The following DLG2 variants were observed in gnomAD, a reference collection of about 807,000 sequenced individuals.
DLG2 encodes disks large homolog 2.
A neutral mutation model predicts 132.5 loss-of-function variants in DLG2; 45 were observed. The observed-to-expected ratio is 0.34, with a 90% CI of 0.27 to 0.44. The LOEUF is 0.44. DLG2 is among the 20% of genes least tolerant of loss of function. The probability of loss-of-function intolerance (pLI) is 1.00; values close to 1 mark genes in which losing one functional copy is unlikely to be tolerated. For missense variants in DLG2, 1,045 were observed against 1,196.9 expected (o/e 0.87, Z 1.87); for synonymous variants, 424 against 419.6 (o/e 1.01, Z -0.13).
chr11:85,399,561 T>C (rs537045903), intron 3 of DLG2, among the ~76,000 whole-genome samples: 2 of 152,256 alleles, frequency 1.3e-5, no homozygotes, highest in East Asian at 1.9e-4. Context: ...CAAAACAGCA[T>C]GGTACTGGTA....
At chr11:84,935,638 T>A (rs1263810487) in intron 6 of DLG2, among the ~76,000 whole-genome samples, 1 of 152,166 alleles carries the variant, frequency 6.6e-6, no homozygotes, top group Non-Finnish European at 1.5e-5. Context: ...TTGGTTATTA[T>A]AACTGGGGAA....
chr11:84,910,435 T>C (rs1348045567), intron 6 of DLG2, among the ~76,000 whole-genome samples: 1 of 152,182 alleles, frequency 6.6e-6, no homozygotes, highest in African/African-American at 2.4e-5. Flanking sequence ...TTAGACAGAA[T>C]GATTTTTTTT....
At chr11:84,714,450 G>C (rs1055616640) in intron 6 of DLG2, among the ~76,000 whole-genome samples, 1 of 152,056 alleles carries the variant, frequency 6.6e-6, no homozygotes, top group Non-Finnish European at 1.5e-5. Flanking sequence ...TGTCCACCAA[G>C]GAGGTGCTGA....
At chr11:85,309,562 T>C (rs1347629411) in intron 3 of DLG2, among the ~76,000 whole-genome samples, 5 of 152,166 alleles carry the variant, frequency 3.3e-5, no homozygotes, top group Non-Finnish European at 5.9e-5. Flanking sequence ...AATAGGCATT[T>C]AAATGAAACA....
At chr11:83,856,854 C>T (rs1201966081) in intron 16 of DLG2, among the ~76,000 whole-genome samples, 1 of 152,086 alleles carries the variant, frequency 6.6e-6, no homozygotes, top group Non-Finnish European at 1.5e-5. Flanking sequence ...CCAGTTTTTG[C>T]TTTGGTGTAA....
At chr11:85,471,843 C>A (rs2092993760) in intron 3 of DLG2, among the ~76,000 whole-genome samples, 1 of 151,924 alleles carries the variant, frequency 6.6e-6, no homozygotes, top group South Asian at 2.1e-4. Flanking sequence ...TTCATGTTGA[C>A]TAGCACACCA....
intron 6 of DLG2, among the ~76,000 whole-genome samples, chr11:84,931,097 C>A (rs867809173): frequency 2.6e-5 from 4 of 152,076 alleles, no homozygotes; most frequent in Non-Finnish European, 4.4e-5. Context: ...GCTTCCCCTC[C>A]TCTTGAAACA....
At chr11:83,479,562 G>A (rs941913986) in intron 22 of DLG2, among the ~76,000 whole-genome samples, 3 of 152,030 alleles carry the variant, frequency 2.0e-5, no homozygotes, top group African/African-American at 4.8e-5. Flanking sequence ...GTAAAAATAT[G>A]TATCTATGTT....
chr11:84,215,832 G>T (rs1378568372), intron 8 of DLG2, among the ~76,000 whole-genome samples: 1 of 152,122 alleles, frequency 6.6e-6, no homozygotes, highest in Non-Finnish European at 1.5e-5. Context: ...CCAGAAAAAT[G>T]ATGTATTGGA....
At chr11:84,862,499 T>C (rs1374719839) in intron 6 of DLG2, among the ~76,000 whole-genome samples, 8 of 152,100 alleles carry the variant, frequency 5.3e-5, no homozygotes. Context: ...TAAATCATTC[T>C]ACAATAAAGA....
intron 3 of DLG2, among the ~76,000 whole-genome samples, chr11:85,485,144 T>C (rs1188176456): frequency 6.6e-6 from 1 of 151,724 alleles, no homozygotes; most frequent in Non-Finnish European, 1.5e-5. Flanking sequence ...TAGGTGGGAA[T>C]TGAACAATGA....
chr11:83,944,097 A>T (rs1217307159), intron 14 of DLG2, among the ~76,000 whole-genome samples: 5 of 151,926 alleles, frequency 3.3e-5, no homozygotes, highest in Non-Finnish European at 5.9e-5. Flanking sequence ...TCTTCCCTCA[A>T]CCATTACTTC....
Position 84,615,818 on chromosome 11 carries a change from TAAAA to T in DLG2, c.358-81091_358-81088del, listed in dbSNP as rs559199428. 5.9e-5 allele frequency among the ~76,000 whole-genome samples: 4 copies of T among 67,640 alleles called. 1 individual carries two copies. Among genetic ancestry groups the T allele is most frequent in the African/African-American group, 2.5e-4 (4 of 16,282 alleles). 44.4% of individuals were successfully genotyped at this position (67,640 alleles called of 152,430 possible). On this transcript the variant is annotated intron_variant, in intron 6 of 27. Coordinates refer to ENST00000376104, the MANE Select transcript of DLG2 (RefSeq NM_001142699.3). ...AGAGAAAATTTCAGGACAAAAACGGTAAAAAAAAAAAAAAAAAAAAAACTTCATT... is the reference window on the plus strand; with the variant it reads ...AGAGAAAATTTCAGGACAAAAACGGTAAAAAAAAAAAAAAAAAACTTCATT...
chr11:84,049,244 C>A (rs2096302825), intron 11 of DLG2, among the ~76,000 whole-genome samples: 1 of 151,670 alleles, frequency 6.6e-6, no homozygotes, highest in Admixed American at 6.6e-5. Context: ...AGATGCAAGT[C>A]AAGTTGATAT....
chr11:84,970,699 C>G (rs896820772), intron 6 of DLG2, among the ~76,000 whole-genome samples: 2 of 152,190 alleles, frequency 1.3e-5, no homozygotes, highest in Non-Finnish European at 2.9e-5. Flanking sequence ...CAGATCATAG[C>G]AGCTTCCTAT....
intron 8 of DLG2, among the ~76,000 whole-genome samples, chr11:84,183,379 G>A (rs1228698599): frequency 1.3e-5 from 2 of 152,150 alleles, no homozygotes; most frequent in African/African-American, 4.8e-5. Flanking sequence ...ATGCCCGTGT[G>A]AGCAAGGCCT....
At chr11:85,542,533 C>A (rs2076038300) in intron 3 of DLG2, among the ~76,000 whole-genome samples, 1 of 152,108 alleles carries the variant, frequency 6.6e-6, no homozygotes, top group African/African-American at 2.4e-5. Context: ...ACCATATCTT[C>A]AATATCAGCA....
intron 6 of DLG2, among the ~76,000 whole-genome samples, chr11:85,102,942 T>G (rs1395791750): frequency 2.0e-5 from 3 of 152,008 alleles, no homozygotes; most frequent in African/African-American, 7.2e-5. Flanking sequence ...GATACAAGAT[T>G]AACAAATGCT....
chr11:84,284,189 G>A (rs898880329), intron 7 of DLG2, among the ~76,000 whole-genome samples: 7 of 152,100 alleles, frequency 4.6e-5, no homozygotes, highest in Non-Finnish European at 1.0e-4. Flanking sequence ...AGCCGAGATC[G>A]CACCATTGCA....
Sources: gnomAD v4.1 joint callset for allele counts (sites outside exome capture counted in the v4.1 genomes callset) on GRCh38, gnomAD v4.1.1 for gene constraint, MANE v1.5 for transcripts, NCBI Gene and HGNC (gene_info 2026-07-23, HGNC 2026-07-21) for gene names.